Variants in SNTG1 observed in about 807,000 individuals in gnomAD.
SNTG1 encodes syntrophin gamma 1.
SNTG1 carries 39 observed loss-of-function variants against 74.7 expected under a neutral mutation model. The ratio of observed to expected loss-of-function variants is 0.52; its 90% CI spans 0.40 to 0.68. The LOEUF is 0.68. Among genes scored for constraint, SNTG1 ranks in the 30% least tolerant of loss-of-function variants. SNTG1 has a pLI of 0.00. For missense variants in SNTG1, 685 were observed against 609.5 expected (o/e 1.12, Z -1.30); for synonymous variants, 254 against 217.1 (o/e 1.17, Z -1.49).
intron 1 of SNTG1, among the ~76,000 whole-genome samples, chr8:49,955,406 C>A (rs1810066723): frequency 6.6e-6 from 1 of 152,210 alleles, no homozygotes; most frequent in Admixed American, 6.5e-5. Context: ...TGCCCTGGCA[C>A]CTCAGGTGAG....
At chr8:50,186,330 T>A (rs1317891291) in intron 2 of SNTG1, among the ~76,000 whole-genome samples, 1 of 152,200 alleles carries the variant, frequency 6.6e-6, no homozygotes, top group Non-Finnish European at 1.5e-5. Context: ...TGTATCTTTA[T>A]AGTAGAATGA....
intron 5 of SNTG1, among the ~76,000 whole-genome samples, chr8:50,444,052 C>T (rs1416529998): frequency 2.0e-5 from 3 of 152,048 alleles, no homozygotes; most frequent in Non-Finnish European, 4.4e-5. Flanking sequence ...ACAGGAGAAT[C>T]ACTTGAACCG....
intron 1 of SNTG1, among the ~76,000 whole-genome samples, chr8:50,114,086 A>G (rs1219208733): frequency 2.0e-5 from 3 of 152,162 alleles, no homozygotes; most frequent in Non-Finnish European, 2.9e-5. Context: ...AATATTCGAC[A>G]TAATAACTAA....
chr8:49,989,607 C>T (rs1024772638), intron 1 of SNTG1, among the ~76,000 whole-genome samples: 6 of 151,902 alleles, frequency 3.9e-5, no homozygotes, highest in South Asian at 2.1e-4. Flanking sequence ...CATTATGAGG[C>T]GAGTGTTACC....
intron 2 of SNTG1, among the ~76,000 whole-genome samples, chr8:50,293,809 T>C (rs2089241247): frequency 6.6e-6 from 1 of 152,126 alleles, no homozygotes. Context: ...TAAAACTGTG[T>C]AGTATACAAT....
intron 17 of SNTG1, among the ~76,000 whole-genome samples, chr8:50,714,148 T>C (rs1190836506): frequency 6.6e-6 from 1 of 151,914 alleles, no homozygotes; most frequent in Non-Finnish European, 1.5e-5. Context: ...TGACTGTAGA[T>C]GTGTGGTGTT....
chr8:50,038,354 A>G (rs937901257), intron 1 of SNTG1, among the ~76,000 whole-genome samples: 1 of 152,138 alleles, frequency 6.6e-6, no homozygotes, highest in African/African-American at 2.4e-5. Context: ...GCAATCCAAG[A>G]TCACATTGGC....
rs1338827954 is a variant in SNTG1 at position 50,449,803 on chromosome 8, C to T, written c.277+78C>T. 9 of 1,239,398 alleles carry T rather than the reference C, an allele frequency of 7.3e-6. No homozygotes were observed. The East Asian group carries it at 2.1e-4, about 29-fold the overall frequency. 76.8% of individuals were successfully genotyped at this position (1,239,398 alleles called of 1,614,324 possible). ...GAAGTGTGAGATGATATTCAAGAAT[C>T]CTAAATTACAATGTGATTGACTGGC... On this transcript the variant is annotated intron_variant, in intron 6 of 18. Transcript: ENST00000642720.
At chr8:50,532,083 T>G (rs1320880545) in intron 10 of SNTG1, among the ~76,000 whole-genome samples, 1 of 152,208 alleles carries the variant, frequency 6.6e-6, no homozygotes, top group African/African-American at 2.4e-5. Flanking sequence ...CTGTTATAAA[T>G]TCTTCTTACT....
chr8:50,592,428 G>A (rs1384841752), intron 13 of SNTG1, among the ~76,000 whole-genome samples: 2 of 152,216 alleles, frequency 1.3e-5, no homozygotes, highest in East Asian at 1.9e-4. Flanking sequence ...AGGTCATTCC[G>A]CTGATAGCCC....
At chr8:50,699,901 TTAAA>T (rs1439685017) in intron 15 of SNTG1, among the ~76,000 whole-genome samples, 4 of 152,206 alleles carry the variant, frequency 2.6e-5, no homozygotes, top group Non-Finnish European at 5.9e-5. Context: ...AAGCAAAGAA[TTAAA>T]TATAGTATCT....
chr8:50,776,916 T>C (rs950855565), intron 18 of SNTG1, among the ~76,000 whole-genome samples: 1 of 151,924 alleles, frequency 6.6e-6, no homozygotes, highest in Non-Finnish European at 1.5e-5. Flanking sequence ...GCCACTTCCT[T>C]CTGGCTGTAT....
intron 1 of SNTG1, among the ~76,000 whole-genome samples, chr8:50,101,468 C>A (rs1158521175): frequency 6.6e-6 from 1 of 151,958 alleles, no homozygotes; most frequent in Non-Finnish European, 1.5e-5. Flanking sequence ...TAATAATAAC[C>A]ATCTGGCTGA....
rs147486980 is a variant in SNTG1 at position 50,504,177 on chromosome 8, G to A, written c.466+1297G>A. 2.8e-3 allele frequency among the ~76,000 whole-genome samples: 431 copies of A among 152,142 alleles called. 2 individuals are homozygous for A. The highest frequency in any genetic ancestry group is 9.9e-3 in the African/African-American group (413 of 41,532). ...ATGTCCCTGCAGTGGACATGATCTC[G>A]TTCTTTTTTATGGTGACATAGTATT... On this transcript the variant is annotated intron_variant, in intron 9 of 18. Transcript: ENST00000642720.
intron 2 of SNTG1, among the ~76,000 whole-genome samples, chr8:50,371,065 G>A (rs868710325): frequency 6.6e-6 from 1 of 152,134 alleles, no homozygotes; most frequent in African/African-American, 2.4e-5. Flanking sequence ...GGCCTTTGGA[G>A]GCTTCTATAG....
chr8:49,972,637 C>T (rs1811802065), intron 1 of SNTG1, among the ~76,000 whole-genome samples: 1 of 149,304 alleles, frequency 6.7e-6, no homozygotes, highest in East Asian at 2.0e-4. Context: ...GGCTAATATC[C>T]AGAATCTACA....
intron 1 of SNTG1, among the ~76,000 whole-genome samples, chr8:49,965,724 GC>G (rs1401906089): frequency 6.6e-6 from 1 of 151,910 alleles, no homozygotes; most frequent in Non-Finnish European, 1.5e-5. Flanking sequence ...CACAAATAGG[GC>G]CCACTCTGGC....
chr8:50,747,261 C>T (rs933380426), intron 17 of SNTG1, among the ~76,000 whole-genome samples: 1 of 151,940 alleles, frequency 6.6e-6, no homozygotes, highest in African/African-American at 2.4e-5. Flanking sequence ...TGACTTCAAT[C>T]ATGAAGGGTT....
chr8:50,655,467 T>C (rs910822762), intron 13 of SNTG1, among the ~76,000 whole-genome samples: 2 of 152,184 alleles, frequency 1.3e-5, no homozygotes, highest in African/African-American at 2.4e-5. Context: ...ACCTAAAAGA[T>C]TACAGAATAC....
Sources: gnomAD v4.1 joint callset for allele counts (sites outside exome capture counted in the v4.1 genomes callset) on GRCh38, gnomAD v4.1.1 for gene constraint, MANE v1.5 for transcripts, NCBI Gene and HGNC (gene_info 2026-07-23, HGNC 2026-07-21) for gene names.